Variants in SEMA6A observed in about 807,000 individuals in gnomAD.
The protein encoded by SEMA6A is semaphorin-6A.
In SEMA6A, 25 loss-of-function variants were observed where a neutral mutation model predicts 96.8. That is an observed-to-expected ratio of 0.26 (90% confidence interval 0.19 to 0.36). The LOEUF is 0.36. SEMA6A is among the 10% of genes least tolerant of loss of function. The pLI is 1.00. For synonymous variants in SEMA6A, 612 were observed against 518.0 expected (o/e 1.18, Z -2.46); for missense variants, 1,363 against 1,323.1 (o/e 1.03, Z -0.47).
intron 2 of SEMA6A, 47 bp from the exon 3 acceptor site, chr5:116,502,374 A>G (rs1299835907): frequency 5.2e-6 from 8 of 1,528,912 alleles, no homozygotes; most frequent in Non-Finnish European, 7.3e-6. Flanking sequence ...AAATCAAGCC[A>G]GGAATTGACA....
At chr5:116,493,797 C>A (rs1757445275) in intron 6 of SEMA6A, among the ~76,000 whole-genome samples, 1 of 152,054 alleles carries the variant, frequency 6.6e-6, no homozygotes, top group Non-Finnish European at 1.5e-5. Context: ...ATGATGAAAC[C>A]CAAATCTATA....
chr5:116,550,769 C>T (rs1244425662), intron 1 of SEMA6A: 2 of 152,206 alleles, frequency 1.3e-5, no homozygotes, highest in Non-Finnish European at 2.9e-5. Context: ...AATAATCTTA[C>T]ACATAAGGAA....
chr5:116,478,104 T>G lies in SEMA6A; in HGVS notation c.1478A>C (p.Asp493Ala). 1.2e-6 allele frequency: 2 copies of G among 1,613,970 alleles called. No homozygotes were observed. The highest frequency in any genetic ancestry group is 4.5e-5 in the East Asian group (2 of 44,876). The change falls in exon 14 of 19, where the codon GAC (aspartate) becomes GCC (alanine). Residue 493 changes from aspartate to alanine, a missense_variant. By Grantham distance (126) the Asp-to-Ala change is moderately radical. Coordinates refer to ENST00000343348, the MANE Select transcript of SEMA6A (RefSeq NM_020796.5). ...EDKRIMGMQL[D>A]RASSSLYVAF... ...AACATACAGAGAGCTGCTTGCTCTG[T>G]CCAGCTGCATGCCCATGATCCTTTT...
rs756740582 is a variant in SEMA6A at position 116,447,591 on chromosome 5, G to A, written c.2115C>T (p.Leu705=). The change falls in exon 19 of 19, where the codon CTC becomes CTT. Residue 705 remains leucine (L), a synonymous_variant. Transcript: ENST00000343348. Reference sequence around the variant, plus strand: ...ATTGAGTGTCCCCAAAGAGGCCGCTGAGCTTGGTGACGCTGCTCATGGAGC... The same window carrying A: ...ATTGAGTGTCCCCAAAGAGGCCGCTAAGCTTGGTGACGCTGCTCATGGAGC... ...RRGSMSSVTK[L]SGLFGDTQSK... The A allele has an allele frequency of 1.7e-5, 27 of 1,613,942 alleles. No homozygotes were observed. Among genetic ancestry groups the A allele is most frequent in the African/African-American group, 5.3e-5 (4 of 74,940 alleles).
rs1167936582 is a variant in SEMA6A at position 116,496,288 on chromosome 5, G to A, written c.305C>T (p.Ala102Val). 1 of 1,613,648 alleles carries A rather than the reference G, an allele frequency of 6.2e-7. No homozygotes were observed. The highest frequency in any genetic ancestry group is 8.5e-7 in the Non-Finnish European group (1 of 1,179,784). The change falls in exon 5 of 19, where the codon GCC becomes GTC. Residue 102 changes from alanine to valine, a missense_variant. Around this residue, in one of 2 missense-constraint regions of SEMA6A, gnomAD observed 480 missense variants for 559.5 expected, o/e 0.86. Coordinates refer to ENST00000343348, the MANE Select transcript of SEMA6A (RefSeq NM_020796.5). ...CTTCATTCTGCATGTGTCTACATCGGCCTGTCTAGATTTCCATGTCAGTTT... is the reference window on the plus strand; with the variant it reads ...CTTCATTCTGCATGTGTCTACATCGACCTGTCTAGATTTCCATGTCAGTTT... The part of the protein sequence containing the change: ...SKKLTWKSRQ[A>V]DVDTCRMKGK...
rs200298483 is a variant in SEMA6A, at chr5:116,447,404, G to A, written c.2302C>T (p.Arg768Trp). The change falls in exon 19 of 19, where the codon CGG becomes TGG. Residue 768 changes from arginine (R) to tryptophan (W), a missense_variant. Arg to Trp is a moderately radical substitution (Grantham distance 101). Transcript: ENST00000343348. ...TCGCGGCTGCCGCGGCTGGGCTTCCGCTTCTGCTGCAGCGTTGGGGTTGAC... is the reference window on the plus strand; with the variant it reads ...TCGCGGCTGCCGCGGCTGGGCTTCCACTTCTGCTGCAGCGTTGGGGTTGAC... ...PESTPTLQQK[R>W]KPSRGSREWE... The A allele has an allele frequency of 4.0e-5, 64 of 1,614,030 alleles. No homozygotes were observed. The Middle Eastern group carries it at 6.6e-4, about 17-fold the overall frequency.
At chr5:116,450,439 C>T (rs1279189690) in intron 18 of SEMA6A, among the ~76,000 whole-genome samples, 1 of 152,340 alleles carries the variant, frequency 6.6e-6, no homozygotes, top group African/African-American at 2.4e-5. Flanking sequence ...AAGAGTAAAG[C>T]TAGAGCAATT....
chr5:116,457,685 T>A (rs1034705971), intron 18 of SEMA6A, among the ~76,000 whole-genome samples: 1 of 152,200 alleles, frequency 6.6e-6, no homozygotes, highest in Non-Finnish European at 1.5e-5. Flanking sequence ...TCCCATCTAC[T>A]GTGCACCCAG....
intron 6 of SEMA6A, among the ~76,000 whole-genome samples, chr5:116,493,016 G>A (rs938827792): frequency 2.6e-5 from 4 of 152,140 alleles, no homozygotes; most frequent in African/African-American, 7.2e-5. Flanking sequence ...CATTCACAGC[G>A]CTAGGCATAT....
At chr5:116,447,923 C>G in intron 18 of SEMA6A, 112 bp from the exon 19 acceptor site, 1 of 847,086 alleles carries the variant, frequency 1.2e-6, no homozygotes, top group Non-Finnish European at 1.8e-6. Flanking sequence ...AACAGCACCT[C>G]TGCACAACTT....
intron 1 of SEMA6A, chr5:116,550,111 TCA>T (rs1163546616): frequency 1.3e-5 from 2 of 152,204 alleles, no homozygotes; most frequent in Non-Finnish European, 2.9e-5. Flanking sequence ...GCACTTTAAA[TCA>T]CAGTCATTGT....
At chr5:116,514,964 T>C (rs1188471817) in intron 1 of SEMA6A, among the ~76,000 whole-genome samples, 5 of 152,214 alleles carry the variant, frequency 3.3e-5, no homozygotes, top group African/African-American at 1.2e-4. Flanking sequence ...AAGAAATTAT[T>C]ACTCTGTTGC....
At chr5:116,538,777 T>G (rs1050470917) in intron 1 of SEMA6A, among the ~76,000 whole-genome samples, 1 of 152,088 alleles carries the variant, frequency 6.6e-6, no homozygotes, top group Non-Finnish European at 1.5e-5. Flanking sequence ...ACTAAAGTCC[T>G]GCTTGACCAT....
chr5:116,490,678 G>A (rs1757289119), intron 7 of SEMA6A, among the ~76,000 whole-genome samples: 1 of 152,126 alleles, frequency 6.6e-6, no homozygotes, highest in East Asian at 1.9e-4. Context: ...GCAGATCCAG[G>A]CCCACAAATG....
intron 1 of SEMA6A, among the ~76,000 whole-genome samples, chr5:116,519,938 C>CA (rs1758856869): frequency 6.6e-6 from 1 of 152,172 alleles, no homozygotes; most frequent in African/African-American, 2.4e-5. Context: ...CTCCACACAG[C>CA]AATCAATGGT....
intron 10 of SEMA6A, among the ~76,000 whole-genome samples, chr5:116,485,717 T>C (rs762120056): frequency 5.9e-5 from 9 of 152,254 alleles, no homozygotes; most frequent in Non-Finnish European, 1.2e-4. Context: ...TAAAAAGTTT[T>C]ATAATTCAAA....
At chr5:116,484,033 C>T (rs1756918698) in intron 10 of SEMA6A, among the ~76,000 whole-genome samples, 2 of 147,110 alleles carry the variant, frequency 1.4e-5, no homozygotes, top group Non-Finnish European at 3.0e-5. Flanking sequence ...CACTGCACTC[C>T]AGCCTGGGCG....
At position 116,545,615 on chromosome 5, in the gene SEMA6A, G is replaced by A. The variant is rs113865495; in HGVS notation, c.-39+28570C>T. Among the ~76,000 whole-genome samples, 615 of 152,246 alleles carry A rather than the reference G, an allele frequency of 4.0e-3. 4 individuals are homozygous for A. The highest frequency in any genetic ancestry group is 0.014 in the African/African-American group (580 of 41,548). On this transcript the variant is annotated intron_variant, in intron 1 of 18. Coordinates refer to ENST00000343348, the MANE Select transcript of SEMA6A (RefSeq NM_020796.5). Reference sequence around the variant, plus strand: ...TCCTTTGTTCAGGTGTGCTCTGGCCGTGTTCCATCTGCGAGGAGCACCCTT... The same window carrying A: ...TCCTTTGTTCAGGTGTGCTCTGGCCATGTTCCATCTGCGAGGAGCACCCTT...
intron 5 of SEMA6A, chr5:116,495,783 C>T (rs1244930612): frequency 9.9e-6 from 4 of 404,560 alleles, no homozygotes; most frequent in African/African-American, 4.1e-5. Flanking sequence ...GAAATGCCAA[C>T]CTCCCATCAT....
Sources: gnomAD v4.1 joint callset for allele counts (sites outside exome capture counted in the v4.1 genomes callset) on GRCh38, gnomAD v4.1.1 for gene constraint, gnomAD v4.1.1 regional missense constraint, MANE v1.5 for transcripts, NCBI Gene and HGNC (gene_info 2026-07-23, HGNC 2026-07-21) for gene names.